Variants in CYSLTR1 observed in about 807,000 individuals in gnomAD.
CYSLTR1 encodes G-protein coupled receptor HG55.
Under a neutral mutation model 2.1 loss-of-function variants are expected in CYSLTR1, and 1 was observed. That is an observed-to-expected ratio of 0.48 (90% CI 0.17 to 2.28). The LOEUF (loss-of-function observed/expected upper bound fraction) is 2.28, where lower values mean the gene tolerates loss of function less well. Among genes scored for constraint, CYSLTR1 ranks in the 30% most tolerant of loss-of-function variants. The probability of loss-of-function intolerance (pLI) is 0.26; values close to 1 mark genes in which losing one functional copy is unlikely to be tolerated. For synonymous variants in CYSLTR1, 110 were observed against 89.6 expected (o/e 1.23, Z -1.28); for missense variants, 299 against 250.1 (o/e 1.20, Z -1.32).
chrX:78,324,981 A>G (rs891587868), intron 1 of CYSLTR1, among the ~76,000 whole-genome samples: 3 of 111,893 alleles, frequency 2.7e-5, no homozygotes, highest in Admixed American at 9.5e-5. Flanking sequence ...GTGATTGAAC[A>G]AGTGGTTTTA....
intron 2 of CYSLTR1, among the ~76,000 whole-genome samples, chrX:78,274,995 C>T (rs1921514705): frequency 9.0e-6 from 1 of 111,413 alleles, no homozygotes; most frequent in Non-Finnish European, 1.9e-5. Context: ...TCATCACTGG[C>T]CATCAGAGAA....
At chrX:78,311,498 G>T (rs1011264603) in intron 1 of CYSLTR1, among the ~76,000 whole-genome samples, 1 of 111,526 alleles carries the variant, frequency 9.0e-6, no homozygotes, top group African/African-American at 3.3e-5. Flanking sequence ...AAGCAATTAG[G>T]CAAGGCAAAG....
Position 78,273,707 on chromosome X carries a change from A to C in CYSLTR1, c.40T>G (p.Cys14Gly). ...CGGAAGTCATCAATAGTGTCATGGC[A>C]TGTGGCAGAAGATACTGTCAGATTT... Reference protein sequence around the residue: ...TGNLTVSSATCHDTIDDFRNQ... With the variant: ...TGNLTVSSATGHDTIDDFRNQ... Residue 14 changes from cysteine (C) to glycine (G), a missense_variant, in exon 3 of 3, where the codon TGC (cysteine) becomes GGC (glycine). Cys to Gly is a radical substitution (Grantham distance 159). Coordinates refer to ENST00000373304, the MANE Select transcript of CYSLTR1 (RefSeq NM_006639.4). The C allele has an allele frequency of 8.3e-7, 1 of 1,205,117 alleles. No homozygotes were observed. The highest frequency in any genetic ancestry group is 1.1e-6 in the Non-Finnish European group (1 of 890,337).
intron 1 of CYSLTR1, among the ~76,000 whole-genome samples, chrX:78,318,519 G>T (rs775485555): frequency 4.5e-5 from 5 of 111,650 alleles, no homozygotes; most frequent in Non-Finnish European, 9.4e-5. Flanking sequence ...TCCTGCACAT[G>T]TACCCCTGAA....
chrX:78,281,213 GTGT>G (rs1235554421), intron 2 of CYSLTR1, among the ~76,000 whole-genome samples: 4 of 109,100 alleles, frequency 3.7e-5, no homozygotes, highest in African/African-American at 1.3e-4. Context: ...CAGTGTATAA[GTGT>G]TTTTTTTTTC....
chrX:78,292,953 A>T (rs1352225987), intron 1 of CYSLTR1, among the ~76,000 whole-genome samples: 1 of 110,770 alleles, frequency 9.0e-6, no homozygotes, highest in Non-Finnish European at 1.9e-5. Flanking sequence ...GTGTCCTTTT[A>T]TTGAGGGCAT....
intron 1 of CYSLTR1, among the ~76,000 whole-genome samples, chrX:78,296,275 G>T (rs1922568989): frequency 9.0e-6 from 1 of 111,698 alleles, no homozygotes; most frequent in Non-Finnish European, 1.9e-5. Context: ...TTTTATGCCA[G>T]TTCCATGCTG....
chrX:78,283,597 C>A (rs1921930061), intron 1 of CYSLTR1, 57 bp from the exon 2 acceptor site: 1 of 112,045 alleles, frequency 8.9e-6, no homozygotes, highest in South Asian at 3.7e-4. Context: ...CCAGAAGGGT[C>A]ATAAGAACTT....
intron 2 of CYSLTR1, among the ~76,000 whole-genome samples, chrX:78,276,657 T>A (rs1363112656): frequency 9.0e-6 from 1 of 110,893 alleles, no homozygotes; most frequent in Non-Finnish European, 1.9e-5. Context: ...ATTATTATTA[T>A]TACCAAGAAC....
intron 1 of CYSLTR1, among the ~76,000 whole-genome samples, chrX:78,314,154 G>A (rs1923321101): frequency 9.0e-6 from 1 of 111,341 alleles, no homozygotes; most frequent in Non-Finnish European, 1.9e-5. Context: ...TGTTTCAGAA[G>A]GCACAGTAAA....
chrX:78,296,247 G>A (rs986078128), intron 1 of CYSLTR1, among the ~76,000 whole-genome samples: 10 of 111,219 alleles, frequency 9.0e-5, no homozygotes, highest in Admixed American at 4.8e-4. Flanking sequence ...ATTCTGTTCC[G>A]TTGGTCTGCC....
In CYSLTR1 at chrX:78,272,147, T is replaced by G. The variant is rs1921287752; in HGVS notation, c.*586A>C. On this transcript the variant is annotated 3_prime_UTR_variant, in exon 3 of 3. Transcript: ENST00000373304. ...CATTGTATGGTGCTTTTAGGACCCT[T>G]TAGCTGAATACTAGTCTGTTCTAGC... The G allele has an allele frequency of 9.0e-6, 1 of 111,700 alleles. No individual in the cohort carries two copies. Among genetic ancestry groups the G allele is most frequent in the African/African-American group, 3.3e-5 (1 of 30,752 alleles). 9.2% of individuals were successfully genotyped at this position (111,700 alleles called of 1,213,427 possible).
chrX:78,320,488 G>A (rs1240528787), intron 1 of CYSLTR1: 2 of 109,910 alleles, frequency 1.8e-5, no homozygotes, highest in Non-Finnish European at 3.8e-5. Flanking sequence ...TTTGCTACCA[G>A]TACCATGTTG....
chrX:78,318,654 A>G (rs912558852), intron 1 of CYSLTR1, among the ~76,000 whole-genome samples: 3 of 112,340 alleles, frequency 2.7e-5, no homozygotes, highest in Admixed American at 9.4e-5. Context: ...AGATTGCTCT[A>G]CTTGGATCTC....
chrX:78,290,861 G>C (rs911405749), intron 1 of CYSLTR1, among the ~76,000 whole-genome samples: 2 of 112,026 alleles, frequency 1.8e-5, no homozygotes, highest in Non-Finnish European at 3.8e-5. Context: ...TTTGGGCTGA[G>C]ATGATGGGAT....
chrX:78,315,523 C>T (rs775245589), intron 1 of CYSLTR1, among the ~76,000 whole-genome samples: 2 of 111,372 alleles, frequency 1.8e-5, no homozygotes, highest in East Asian at 5.8e-4. Context: ...GGAAGGGAGC[C>T]TACTGTTCTG....
intron 1 of CYSLTR1, chrX:78,321,291 G>C (rs1332874459): frequency 9.1e-6 from 1 of 109,434 alleles, no homozygotes; most frequent in African/African-American, 3.3e-5. Flanking sequence ...ACAGAGTGCA[G>C]GGGACCATGA....
At chrX:78,298,784 C>A (rs1253454393) in intron 1 of CYSLTR1, among the ~76,000 whole-genome samples, 1 of 111,144 alleles carries the variant, frequency 9.0e-6, no homozygotes, top group Non-Finnish European at 1.9e-5. Context: ...AAGTGTATTT[C>A]TTGTAAGCAT....
intron 1 of CYSLTR1, 27 bp from the exon 2 acceptor site, chrX:78,283,567 T>A (rs1425551595): frequency 8.9e-6 from 1 of 112,328 alleles, no homozygotes; most frequent in Non-Finnish European, 1.9e-5. Context: ...GAAAAGGCAG[T>A]TAACAACTGT....
Sources: gnomAD v4.1 joint callset for allele counts (sites outside exome capture counted in the v4.1 genomes callset) on GRCh38, gnomAD v4.1.1 for gene constraint, MANE v1.5 for transcripts, NCBI Gene and HGNC (gene_info 2026-07-23, HGNC 2026-07-21) for gene names.